Variants in POLQ observed in about 807,000 individuals in gnomAD.
The protein encoded by POLQ is DNA polymerase theta.
Under a neutral mutation model 259.2 loss-of-function variants are expected in POLQ, and 233 were observed. That is an observed-to-expected ratio of 0.90 (90% CI 0.81 to 1.00). The LOEUF (loss-of-function observed/expected upper bound fraction) is 1.00. POLQ is among the 50% of genes least tolerant of loss of function. The pLI is 0.00. For synonymous variants in POLQ, 1,025 were observed against 1,048.8 expected, an observed-to-expected ratio of 0.98 and a Z score of 0.44; for missense variants, 2,871 against 3,051.6, an observed-to-expected ratio of 0.94 and a Z score of 1.39.
At chr3:121,450,693 C>T (rs975982658) in intron 25 of POLQ, among the ~76,000 whole-genome samples, 3 of 152,092 alleles carry the variant, frequency 2.0e-5, no homozygotes, top group Non-Finnish European at 4.4e-5. Flanking sequence ...TGTGGGTAAC[C>T]CGACCTTTCT....
chr3:121,494,257 C>A, intron 14 of POLQ: 1 of 1,590,880 alleles, frequency 6.3e-7, no homozygotes. Context: ...CCAAAAGAGA[C>A]CTCACCCGCT....
chr3:121,447,167 A>G (rs946240117), intron 26 of POLQ, among the ~76,000 whole-genome samples: 1 of 132,028 alleles, frequency 7.6e-6, no homozygotes, highest in Non-Finnish European at 1.6e-5. Context: ...AATGTCTTAT[A>G]ACCCTTTTTT....
intron 26 of POLQ, among the ~76,000 whole-genome samples, chr3:121,448,957 A>G (rs1339049725): frequency 1.3e-5 from 2 of 152,190 alleles, no homozygotes; most frequent in Non-Finnish European, 2.9e-5. Context: ...AATTCCTCGT[A>G]TATTTAATTA....
At chr3:121,444,800 G>T (rs1332781544) in intron 26 of POLQ, among the ~76,000 whole-genome samples, 3 of 152,154 alleles carry the variant, frequency 2.0e-5, no homozygotes, top group African/African-American at 7.2e-5. Flanking sequence ...TTTTTTGAGG[G>T]TTTTCATGAT....
chr3:121,437,920 CA>C (rs1163323142), intron 27 of POLQ, among the ~76,000 whole-genome samples: 1 of 151,844 alleles, frequency 6.6e-6, no homozygotes, highest in African/African-American at 2.4e-5. Flanking sequence ...ATATGGAGCT[CA>C]AAAAAATGCA....
chr3:121,519,359 G>GATATATATATAT (rs58512042), intron 9 of POLQ, among the ~76,000 whole-genome samples: 76 of 136,694 alleles, frequency 5.6e-4, no homozygotes, highest in African/African-American at 1.1e-3. Flanking sequence ...AACAGTTGAT[G>GATATATATATAT]ATATATATAT....
chr3:121,447,762 A>T (rs1413737788), intron 26 of POLQ, among the ~76,000 whole-genome samples: 1 of 152,132 alleles, frequency 6.6e-6, no homozygotes, highest in African/African-American at 2.4e-5. Context: ...CTCAGCTTTC[A>T]TTTGTCTGAG....
Position 121,470,849 on chromosome 3 carries a change from A to G in POLQ, c.6718+1141T>C, listed in dbSNP as rs916503306. Among the ~76,000 whole-genome samples, 12 of 152,332 alleles carry G rather than the reference A, an allele frequency of 7.9e-5. No homozygotes were observed. The South Asian group carries it at 2.5e-3, about 32-fold the overall frequency. On this transcript the variant is annotated intron_variant, in intron 22 of 29. Transcript: ENST00000264233. ...ATGGTTTCACTATCTTGCCCAGGCTAGTCTCAAACTCCTGGGCTCAAGTGA... is the reference window on the plus strand; with the variant it reads ...ATGGTTTCACTATCTTGCCCAGGCTGGTCTCAAACTCCTGGGCTCAAGTGA...
chr3:121,545,572 A>T, intron 1 of POLQ, 143 bp downstream of exon 1: 1 of 751,540 alleles, frequency 1.3e-6, no homozygotes, highest in Non-Finnish European at 2.1e-6. Context: ...GACCTGCCAC[A>T]CCAGGCCCCA....
chr3:121,463,226 C>T (rs183909303), intron 24 of POLQ, among the ~76,000 whole-genome samples: 2 of 152,178 alleles, frequency 1.3e-5, no homozygotes, highest in East Asian at 1.9e-4. Flanking sequence ...GTAGTGAGTC[C>T]GTCTCACGAG....
In POLQ at chr3:121,453,016, C is replaced by T. The variant is rs192246530; in HGVS notation, c.7153-3590G>A. On this transcript the variant is annotated intron_variant, in intron 25 of 29. Coordinates refer to ENST00000264233, the MANE Select transcript of POLQ (RefSeq NM_199420.4). ...AGTAGGGGCAGACTGACACCTCACA[C>T]GGCTGGGTACTCCTCTGAGACAAAA... Among the ~76,000 whole-genome samples, 40 of 152,314 alleles carry T rather than the reference C, an allele frequency of 2.6e-4. No individual in the cohort carries two copies. The East Asian group carries it at 6.2e-3, about 24-fold the overall frequency.
At chr3:121,480,671 A>T (rs1331998671) in intron 19 of POLQ, among the ~76,000 whole-genome samples, 1 of 152,208 alleles carries the variant, frequency 6.6e-6, no homozygotes, top group Non-Finnish European at 1.5e-5. Context: ...TCAAAAGCAC[A>T]TTGAAATTGT....
chr3:121,450,434 T>C (rs1469699431), intron 25 of POLQ, among the ~76,000 whole-genome samples: 1 of 152,046 alleles, frequency 6.6e-6, no homozygotes, highest in Non-Finnish European at 1.5e-5. Context: ...GTTTGTTACA[T>C]ATGTATACAT....
At chr3:121,473,841 C>T (rs1036357178) in intron 20 of POLQ, among the ~76,000 whole-genome samples, 1 of 151,538 alleles carries the variant, frequency 6.6e-6, no homozygotes, top group Admixed American at 6.6e-5. Flanking sequence ...ATCCTCCCAC[C>T]TCAGCCTCCC....
At chr3:121,464,196 A>G (rs1187182014) in intron 24 of POLQ, among the ~76,000 whole-genome samples, 1 of 152,212 alleles carries the variant, frequency 6.6e-6, no homozygotes, top group Non-Finnish European at 1.5e-5. Flanking sequence ...TAGACAGGTA[A>G]GAGAATGTAT....
At position 121,440,078 on chromosome 3, in the gene POLQ, T is replaced by A; in HGVS notation, c.7303A>T (p.Lys2435Ter). Residue 2435 changes from lysine (K) to a stop codon, truncating the protein, a stop_gained, in exon 27 of 30, where the codon AAA becomes TAA. Transcript: ENST00000264233. LOFTEE classifies it high-confidence loss of function. ...ATGGTCTGAACAAATCCGTCTCTTT[T>A]ACAATTCTTCACTGTCTCTGTCATG... Reference protein sequence around the residue: ...QFMTETVKNCKRDGFVQTILG... With the variant: ...QFMTETVKNC 1.2e-6 allele frequency: 2 copies of A among 1,609,446 alleles called. No homozygotes were observed. Among genetic ancestry groups the A allele is most frequent in the Non-Finnish European group, 1.7e-6 (2 of 1,175,818 alleles).
chr3:121,523,784 C>T (rs1010803953), intron 7 of POLQ, among the ~76,000 whole-genome samples: 1 of 151,938 alleles, frequency 6.6e-6, no homozygotes, highest in African/African-American at 2.4e-5. Context: ...TATTATATGT[C>T]AGTTGAAAAT....
At chr3:121,537,498 T>C (rs1337527307) in intron 4 of POLQ, among the ~76,000 whole-genome samples, 1 of 152,208 alleles carries the variant, frequency 6.6e-6, no homozygotes, top group Admixed American at 6.5e-5. Context: ...TATCTTTATG[T>C]CCATGAGTAC....
chr3:121,437,732 C>T (rs979499576), intron 27 of POLQ, among the ~76,000 whole-genome samples: 1 of 152,142 alleles, frequency 6.6e-6, no homozygotes, highest in African/African-American at 2.4e-5. Context: ...CTTGTACAAG[C>T]ATGTTCAAAA....
Sources: allele counts gnomAD v4.1 joint callset (sites outside exome capture counted in the v4.1 genomes callset), GRCh38; gene constraint gnomAD v4.1.1; transcripts MANE v1.5; gene names NCBI Gene and HGNC (gene_info 2026-07-23, HGNC 2026-07-21).